Variants in SUN1 observed in about 807,000 individuals in gnomAD.
SUN1 encodes the protein Sad1 and UNC84 domain containing 1.
In SUN1, 61 loss-of-function variants were observed where a neutral mutation model predicts 103.2. That is an observed-to-expected ratio of 0.59 (90% CI 0.48 to 0.73). The LOEUF is 0.73. Ranked by LOEUF, SUN1 falls within the 30% of genes least tolerant of loss-of-function variation. The probability of loss-of-function intolerance (pLI) is 0.00; values close to 1 mark genes in which losing one functional copy is unlikely to be tolerated. For missense variants in SUN1, 1,052 were observed against 1,034.6 expected, an observed-to-expected ratio of 1.02 and a Z score of -0.23; for synonymous variants, 490 against 425.7, an observed-to-expected ratio of 1.15 and a Z score of -1.86.
chr7:869,426 C>G lies in SUN1; in HGVS notation c.2058C>G (p.Ile686Met). ...TGGTGGTGAGGCTCTCCATGATGAT[C>G]CACCCAGCCGCCTTCACTCTGGAGC... Reference protein sequence around the residue: ...GYLVVRLSMMIHPAAFTLEHI... With the variant: ...GYLVVRLSMMMHPAAFTLEHI... Residue 686 changes from isoleucine (I) to methionine (M), a missense_variant, in exon 17 of 19, where the codon ATC (isoleucine) becomes ATG (methionine). By Grantham distance (10) the Ile-to-Met change is conservative. Coordinates refer to ENST00000401592, the MANE Select transcript of SUN1 (RefSeq NM_001130965.3). 3 of 1,613,874 alleles carry G rather than the reference C, an allele frequency of 1.9e-6. No homozygotes were observed. The highest frequency in any genetic ancestry group is 2.5e-6 in the Non-Finnish European group (3 of 1,179,864).
intron 1 of SUN1, among the ~76,000 whole-genome samples, chr7:819,957 C>T (rs1442377606): frequency 1.3e-5 from 2 of 152,170 alleles, no homozygotes; most frequent in African/African-American, 2.4e-5. Flanking sequence ...CTGCCCACCT[C>T]GGCCTCCCAG....
upstream of SUN1, chr7:816,487 T>C (rs1583577408): frequency 3.1e-5 from 4 of 130,010 alleles, no homozygotes; most frequent in South Asian, 8.1e-5. Context: ...TCCTCGCCCC[T>C]CCGCCCGCGG....
At chr7:869,775 C>G (rs1415436773) in intron 17 of SUN1, among the ~76,000 whole-genome samples, 1 of 152,194 alleles carries the variant, frequency 6.6e-6, no homozygotes, top group Non-Finnish European at 1.5e-5. Flanking sequence ...CCTCACCGCC[C>G]TTGCCAAGTT....
intron 12 of SUN1, 95 bp downstream of exon 12, chr7:856,496 G>A (rs542110636): frequency 7.8e-5 from 112 of 1,443,190 alleles, no homozygotes; most frequent in Middle Eastern, 1.8e-4. Flanking sequence ...ACCCGGGGCC[G>A]GCCTCCCCCG....
intron 1 of SUN1, chr7:817,248 C>G (rs1353129532): frequency 1.5e-6 from 1 of 660,458 alleles, no homozygotes; most frequent in African/African-American, 1.8e-5. Context: ...GCGTGAGCCA[C>G]CGCGCCCGGC....
At position 874,170 on chromosome 7, in the gene SUN1, C is replaced by T. The variant is rs1284165164; in HGVS notation, c.*839C>T. The stretch of plus-strand genomic sequence containing the variant: ...ATAGGGAGCGCAAGACGCCCTGAGC[C>T]TCCCTCTCACTGGTGGTGATAAGAG... On this transcript the variant is annotated 3_prime_UTR_variant, in exon 19 of 19. Transcript: ENST00000401592. 3.3e-5 allele frequency: 5 copies of T among 152,364 alleles called. No homozygotes were observed. The highest frequency in any genetic ancestry group is 3.3e-4 in the Admixed American group (5 of 15,276). 9.4% of individuals were successfully genotyped at this position (152,364 alleles called of 1,614,324 possible). A position where few individuals can be genotyped will look rare whatever the true frequency, so the allele number is the denominator to read the frequency against.
At chr7:826,776 G>A (rs559132963) in intron 1 of SUN1, among the ~76,000 whole-genome samples, 2 of 152,338 alleles carry the variant, frequency 1.3e-5, no homozygotes, top group South Asian at 4.2e-4. Context: ...CAACGCTGGG[G>A]CACAGGAAAT....
intron 5 of SUN1, chr7:848,653 A>C (rs75133066): frequency 7.8e-7 from 1 of 1,280,850 alleles, no homozygotes; most frequent in Non-Finnish European, 1.0e-6. Flanking sequence ...TCCACCAATC[A>C]CACTTTCGCA....
chr7:842,785 A>G (rs535145782), intron 3 of SUN1: 2 of 263,862 alleles, frequency 7.6e-6, no homozygotes, highest in Admixed American at 1.0e-4. Context: ...TCCAGAGATC[A>G]CATGTGCTAA....
chr7:851,386 TA>T lies in SUN1; in HGVS notation c.662del (p.Tyr221SerfsTer53). The T allele has an allele frequency of 2.5e-6, 4 of 1,599,256 alleles. No individual in the cohort carries two copies. The highest frequency in any genetic ancestry group is 3.4e-6 in the Non-Finnish European group (4 of 1,172,840). ...CCACACACGTCTTCCCTGCACAGGT[TA>T]CTTCTTGCTGCAGATTCTGCGCAGG... ...VYSRDRNQKCYFLLQILRRIG... is the reference protein window; with the variant it reads ...VYSRDRNQKCXFLLQILRRIG... On this transcript the variant is annotated frameshift_variant, in exon 6 of 19. Coordinates refer to ENST00000401592, the MANE Select transcript of SUN1 (RefSeq NM_001130965.3). LOFTEE classifies it high-confidence loss of function.
At chr7:861,736 C>A (rs1398785566) in intron 15 of SUN1, among the ~76,000 whole-genome samples, 3 of 152,212 alleles carry the variant, frequency 2.0e-5, no homozygotes, top group African/African-American at 7.2e-5. Flanking sequence ...CTCGACTGTT[C>A]ACTCTCTCCT....
At chr7:833,470 C>T (rs927802353) in intron 1 of SUN1, among the ~76,000 whole-genome samples, 1 of 151,926 alleles carries the variant, frequency 6.6e-6, no homozygotes, top group African/African-American at 2.4e-5. Flanking sequence ...GCCACCACGC[C>T]CAGCTAATTT....
At chr7:852,159 T>G in intron 7 of SUN1, 116 bp downstream of exon 7, 2 of 947,130 alleles carry the variant, frequency 2.1e-6, no homozygotes, top group South Asian at 3.2e-5. Flanking sequence ...TACATAGTGT[T>G]TGTATATTTT....
chr7:850,883 CA>C (rs1181758831), intron 5 of SUN1: 1 of 152,322 alleles, frequency 6.6e-6, no homozygotes, highest in East Asian at 1.9e-4. Flanking sequence ...CGTCATCCGG[CA>C]GTGCTGTGTT....
At chr7:857,017 G>A (rs575265191) in intron 12 of SUN1, among the ~76,000 whole-genome samples, 1 of 152,304 alleles carries the variant, frequency 6.6e-6, no homozygotes, top group East Asian at 1.9e-4. Flanking sequence ...CTCACTCAGG[G>A]CGGCTTTCTT....
chr7:858,095 GGCTAGACTGCAGTGGCGCGATCTCA>G, intron 13 of SUN1, 138 bp downstream of exon 13: 1 of 1,109,878 alleles, frequency 9.0e-7, no homozygotes, highest in Non-Finnish European at 1.2e-6. Flanking sequence ...GTGGCACGCA[GGCTAGACTGCAGTGGCGCGATCTCA>G]GCTCACTGCA....
At chr7:843,261 A>G (rs371111977) in intron 4 of SUN1, 29 bp downstream of exon 4, 40 of 1,607,374 alleles carry the variant, frequency 2.5e-5, no homozygotes, top group Non-Finnish European at 3.2e-5. Context: ...TTATCTTCAT[A>G]TACTTTTCAA....
chr7:828,050 C>T (rs374578545), upstream of SUN1, among the ~76,000 whole-genome samples: 1 of 151,666 alleles, frequency 6.6e-6, no homozygotes, highest in Non-Finnish European at 1.5e-5. Context: ...ATTACAAGCA[C>T]GCACCACCAC....
chr7:871,036 G>A (rs550669446), intron 17 of SUN1, among the ~76,000 whole-genome samples: 9 of 151,790 alleles, frequency 5.9e-5, no homozygotes, highest in South Asian at 2.1e-4. Flanking sequence ...GATTACAGGC[G>A]CGTGCCACCA....
Sources: allele counts gnomAD v4.1 joint callset (sites outside exome capture counted in the v4.1 genomes callset), GRCh38; gene constraint gnomAD v4.1.1; transcripts MANE v1.5; gene names NCBI Gene and HGNC (gene_info 2026-07-23, HGNC 2026-07-21).